The following MYH14 variants were observed in gnomAD, a reference collection of about 807,000 sequenced individuals.
The protein encoded by MYH14 is myosin heavy chain 14, also known as myosin-14.
In MYH14, 123 loss-of-function variants were observed where a neutral mutation model predicts 255.5. The observed-to-expected ratio is 0.48, with a 90% CI of 0.42 to 0.56. MYH14 has a LOEUF of 0.56. Among genes scored for constraint, MYH14 ranks in the 20% least tolerant of loss-of-function variants. The probability of loss-of-function intolerance (pLI) is 0.00; values close to 1 mark genes in which losing one functional copy is unlikely to be tolerated. For missense variants in MYH14, 2,423 were observed against 2,802.3 expected (o/e 0.86, Z 3.06); for synonymous variants, 1,095 against 1,161.2 (o/e 0.94, Z 1.16).
At chr19:50,205,145 C>A (rs2031661360) in intron 1 of MYH14, among the ~76,000 whole-genome samples, 1 of 152,196 alleles carries the variant, frequency 6.6e-6, no homozygotes, top group South Asian at 2.1e-4. Context: ...GGCTGGGGAA[C>A]TTTCTGAACG....
intron 1 of MYH14, among the ~76,000 whole-genome samples, chr19:50,209,427 C>T (rs2032022040): frequency 6.6e-6 from 1 of 152,118 alleles, no homozygotes; most frequent in Admixed American, 6.5e-5. Context: ...GAGGGTGGAT[C>T]ACCTGAGGTC....
chr19:50,205,851 A>G (rs2031714904), intron 1 of MYH14, among the ~76,000 whole-genome samples: 1 of 151,448 alleles, frequency 6.6e-6, no homozygotes, highest in African/African-American at 2.4e-5. Context: ...ACAGGAGGGC[A>G]TTGAGTACTG....
chr19:50,305,289 G>C (rs1438886776), intron 40 of MYH14, among the ~76,000 whole-genome samples: 1 of 152,142 alleles, frequency 6.6e-6, no homozygotes, highest in African/African-American at 2.4e-5. Flanking sequence ...AGATGAACAA[G>C]AGAGGATGAA....
Position 50,223,345 on chromosome 19 carries a change from T to C in MYH14, c.689T>C (p.Val230Ala), listed in dbSNP as rs1600879504. The C allele has an allele frequency of 6.4e-7, 1 of 1,568,128 alleles. No homozygotes were observed. Among genetic ancestry groups the C allele is most frequent in the Non-Finnish European group, 8.6e-7 (1 of 1,156,386 alleles). ...CCAAAGGGCAGGAAGGAGCCGGGTG[T>C]CCCCGTAAGCAACCCCGCCTTGGGT... ...SSPKGRKEPG[V>A]PASVSTVSYG... Residue 230 changes from valine (V) to alanine (A), a missense_variant, in exon 5 of 43, where the codon GTC becomes GCC. By Grantham distance (64) the Val-to-Ala change is moderately conservative. Transcript: ENST00000642316.
chr19:50,252,697 T>C lies in MYH14; in HGVS notation c.1889T>C (p.Val630Ala), dbSNP rs1233878783. The stretch of plus-strand genomic sequence containing the variant: ...AACATGGACCCTCTGAATGACAACG[T>C]CGCAGCCTTGCTCCACCAGAGCACA... ...MKNMDPLNDN[V>A]AALLHQSTDR... Residue 630 changes from valine to alanine, a missense_variant, in exon 16 of 43, where the codon GTC becomes GCC. Val to Ala is a moderately conservative substitution (Grantham distance 64). Around this residue, in one of 3 missense-constraint regions of MYH14, gnomAD observed 672 missense variants for 881.8 expected, o/e 0.76. Coordinates refer to ENST00000642316, the MANE Select transcript of MYH14 (RefSeq NM_001145809.2). The surrounding 1 kb of genome is among the most constrained non-coding windows in gnomAD (Gnocchi z 4.2). 6.2e-7 allele frequency: 1 copy of C among 1,601,536 alleles called. No homozygotes were observed. The highest frequency in any genetic ancestry group is 1.3e-5 in the African/African-American group (1 of 74,606).
intron 22 of MYH14, among the ~76,000 whole-genome samples, chr19:50,265,469 A>G (rs1319678126): frequency 6.6e-6 from 1 of 152,158 alleles, no homozygotes; most frequent in Non-Finnish European, 1.5e-5. Flanking sequence ...CCATGATCGC[A>G]TCACTGCACT....
Position 50,308,991 on chromosome 19 carries a change from C to A in MYH14, c.5788-14C>A, listed in dbSNP as rs754325712. Reference sequence around the variant, plus strand: ...TACCTGGAGATATAACCCAGTCCCCCTGCTTCCATCAAGCTGGAGAAGGGA... The same window carrying A: ...TACCTGGAGATATAACCCAGTCCCCATGCTTCCATCAAGCTGGAGAAGGGA... On this transcript the variant is annotated splice_polypyrimidine_tract_variant and intron_variant, in intron 41 of 42. Coordinates refer to ENST00000642316, the MANE Select transcript of MYH14 (RefSeq NM_001145809.2). 1.2e-6 allele frequency: 2 copies of A among 1,602,302 alleles called. No homozygotes were observed. The highest frequency in any genetic ancestry group is 4.5e-5 in the East Asian group (2 of 44,446).
In MYH14 at chr19:50,225,613, C is replaced by A; in HGVS notation, c.746C>A (p.Ala249Asp). 1 of 1,613,428 alleles carries A rather than the reference C, an allele frequency of 6.2e-7. No individual in the cohort carries two copies. Among genetic ancestry groups the A allele is most frequent in the Admixed American group, 1.7e-5 (1 of 59,988 alleles). The change falls in exon 7 of 43, where the codon GCC becomes GAC. Residue 249 changes from alanine to aspartate, a missense_variant. Transcript: ENST00000642316. ...YGELERQLLQ[A>D]NPILEAFGNA... is the part of the protein sequence containing the mutation. Reference sequence around the variant, plus strand: ...GAGCTGGAGCGGCAGCTGCTTCAGGCCAACCCCATCCTAGAGGCCTTTGGC... The same window carrying A: ...GAGCTGGAGCGGCAGCTGCTTCAGGACAACCCCATCCTAGAGGCCTTTGGC...
In MYH14 at chr19:50,261,547, C is replaced by T; in HGVS notation, c.2497C>T (p.Leu833=). Residue 833 remains leucine (L), a synonymous_variant, in exon 21 of 43, where the codon CTG becomes TTG. Coordinates refer to ENST00000642316, the MANE Select transcript of MYH14 (RefSeq NM_001145809.2). The part of the protein sequence containing the change: ...QSKIFFRAGV[L]AQLEEERDLK... ...CAAGATCTTCTTCCGGGCTGGGGTC[C>T]TGGCCCAGCTGGAAGAGGAGCGAGA... 1 of 1,598,658 alleles carries T rather than the reference C, an allele frequency of 6.3e-7. No individual in the cohort carries two copies.
intron 1 of MYH14, among the ~76,000 whole-genome samples, chr19:50,205,302 G>GCGC (rs1017904710): frequency 1.3e-5 from 2 of 152,122 alleles, no homozygotes; most frequent in African/African-American, 2.4e-5. Context: ...GGAGCCCCTG[G>GCGC]CGCCGCCGCC....
intron 2 of MYH14, among the ~76,000 whole-genome samples, chr19:50,215,293 C>A (rs2123174643): frequency 6.6e-6 from 1 of 152,308 alleles, no homozygotes; most frequent in East Asian, 1.9e-4. Flanking sequence ...CCATGAGATA[C>A]CCTCCCAGGG....
chr19:50,220,257 A>C (rs1002419870), intron 3 of MYH14, among the ~76,000 whole-genome samples: 2 of 151,830 alleles, frequency 1.3e-5, no homozygotes, highest in Non-Finnish European at 2.9e-5. Context: ...TATGCATATT[A>C]AATATGAGCA....
chr19:50,233,839 G>GTT (rs58204546), intron 10 of MYH14, among the ~76,000 whole-genome samples: 6 of 124,620 alleles, frequency 4.8e-5, no homozygotes, highest in East Asian at 4.9e-4. Context: ...CAACCTTTTT[G>GTT]TTTTTTTGAG....
chr19:50,242,842 T>C (rs1568490450), intron 10 of MYH14, among the ~76,000 whole-genome samples: 1 of 152,152 alleles, frequency 6.6e-6, no homozygotes, highest in African/African-American at 2.4e-5. Flanking sequence ...GTGTTCTGCC[T>C]TCTGGTTTCA....
chr19:50,228,272 C>T (rs548709973), intron 8 of MYH14, among the ~76,000 whole-genome samples: 4 of 145,096 alleles, frequency 2.8e-5, no homozygotes, highest in South Asian at 2.2e-4. Flanking sequence ...GGTGACAGAG[C>T]GAGACTCTGT....
At chr19:50,211,136 C>T (rs955344141) in intron 2 of MYH14, among the ~76,000 whole-genome samples, 1 of 152,172 alleles carries the variant, frequency 6.6e-6, no homozygotes, top group South Asian at 2.1e-4. Context: ...GGTTCAAGAC[C>T]AGCCTGGGCA....
chr19:50,258,979 C>T (rs1197738733), intron 18 of MYH14, among the ~76,000 whole-genome samples, 165 bp from the exon 19 acceptor site: 1 of 152,122 alleles, frequency 6.6e-6, no homozygotes, highest in Admixed American at 6.5e-5. Flanking sequence ...GGCAGGATTT[C>T]CCCCTGGTTT....
chr19:50,293,472 G>A lies in MYH14; in HGVS notation c.5346-92G>A, dbSNP rs984956751. The A allele has an allele frequency of 2.6e-5, 41 of 1,565,256 alleles. No homozygotes were observed. Among genetic ancestry groups the A allele is most frequent in the African/African-American group, 1.1e-4 (8 of 73,850 alleles). On this transcript the variant is annotated intron_variant, in intron 38 of 42. Coordinates refer to ENST00000642316, the MANE Select transcript of MYH14 (RefSeq NM_001145809.2). This position sits in a 1 kb window ranked among gnomAD's most constrained non-coding sequence, Gnocchi z 4.1. ...CTGGGGTGTGAGGCTGGGGAGATGC[G>A]TGGGGCTAACCACAGGGTCCTGTAG...
intron 42 of MYH14, 62 bp downstream of exon 42, chr19:50,309,239 G>C: frequency 6.5e-7 from 1 of 1,532,714 alleles, no homozygotes; most frequent in Non-Finnish European, 9.0e-7. Flanking sequence ...TAAACCCCAG[G>C]GACGCGAGGC....
Sources: gnomAD v4.1 joint callset for allele counts (sites outside exome capture counted in the v4.1 genomes callset) on GRCh38, gnomAD v4.1.1 for gene constraint, gnomAD v4.1.1 regional missense constraint, Gnocchi (gnomAD v3.1) non-coding constraint, MANE v1.5 for transcripts, NCBI Gene and HGNC (gene_info 2026-07-23, HGNC 2026-07-21) for gene names.